EYA4: variants seen among roughly 807,000 people sequenced by gnomAD.
The protein encoded by EYA4 is protein phosphatase EYA4.
In EYA4, 31 loss-of-function variants were observed where a neutral mutation model predicts 87.9. The ratio of observed to expected loss-of-function variants is 0.35; its 90% confidence interval spans 0.27 to 0.48. The LOEUF (loss-of-function observed/expected upper bound fraction) is 0.48. Among genes scored for constraint, EYA4 ranks in the 20% least tolerant of loss-of-function variants. The pLI, the probability that EYA4 is intolerant of heterozygous loss-of-function variation, is 0.99. For synonymous variants in EYA4, 263 were observed against 270.6 expected, an observed-to-expected ratio of 0.97 and a Z score of 0.28; for missense variants, 678 against 761.4, an observed-to-expected ratio of 0.89 and a Z score of 1.29.
In EYA4 at chr6:133,246,700, A is replaced by G. The variant is rs368410552; in HGVS notation, c.-66+4951A>G. Among the ~76,000 whole-genome samples, 18 of 152,326 alleles carry G rather than the reference A, an allele frequency of 1.2e-4. No individual in the cohort carries two copies. In the East Asian group the frequency reaches 3.1e-3, roughly 26 times the overall value. On this transcript the variant is annotated intron_variant, in intron 1 of 19. Coordinates refer to ENST00000355286, the MANE Select transcript of EYA4 (RefSeq NM_004100.5). Reference sequence around the variant, plus strand: ...TTTAGATAATTACAATTTGGCTGTCATTATTACTATAATATTAATCACTAT... The same window carrying G: ...TTTAGATAATTACAATTTGGCTGTCGTTATTACTATAATATTAATCACTAT...
At chr6:133,282,941 G>A (rs910336051) in intron 2 of EYA4, among the ~76,000 whole-genome samples, 5 of 152,150 alleles carry the variant, frequency 3.3e-5, no homozygotes, top group Admixed American at 6.5e-5. Context: ...CAAAAGTCTT[G>A]TGTCTGAACT....
chr6:133,353,994 G>C (rs1783829116), intron 2 of EYA4, among the ~76,000 whole-genome samples: 1 of 152,168 alleles, frequency 6.6e-6, no homozygotes, highest in African/African-American at 2.4e-5. Context: ...TCATGTGAGG[G>C]AAGGTGGGCT....
At chr6:133,402,516 A>G (rs572849600) in intron 3 of EYA4, among the ~76,000 whole-genome samples, 2 of 152,330 alleles carry the variant, frequency 1.3e-5, no homozygotes, top group Non-Finnish European at 1.5e-5. Context: ...GAATCTAGCT[A>G]TATATCTGGA....
intron 2 of EYA4, among the ~76,000 whole-genome samples, chr6:133,294,707 A>G (rs957415723): frequency 5.9e-4 from 90 of 152,210 alleles, no homozygotes; most frequent in African/African-American, 2.1e-3. Context: ...ACCTGGGACT[A>G]CAGGCATGAA....
chr6:133,300,581 C>G (rs1236495411), intron 2 of EYA4, among the ~76,000 whole-genome samples: 1 of 152,102 alleles, frequency 6.6e-6, no homozygotes, highest in Admixed American at 6.5e-5. Context: ...GTGGCACAAT[C>G]TCAGCTCACT....
chr6:133,267,620 T>C (rs940991179), intron 1 of EYA4, among the ~76,000 whole-genome samples: 3 of 152,156 alleles, frequency 2.0e-5, no homozygotes, highest in African/African-American at 7.2e-5. Context: ...TGACCTCAGG[T>C]GATCCGCCCA....
At chr6:133,462,299 T>G (rs1794466103) in intron 7 of EYA4, 36 bp from the exon 8 acceptor site, 2 of 1,612,086 alleles carry the variant, frequency 1.2e-6, no homozygotes, top group South Asian at 1.1e-5. Flanking sequence ...TACACAGTCT[T>G]TGTTGCCACA....
intron 1 of EYA4, among the ~76,000 whole-genome samples, chr6:133,245,961 T>A (rs1774372464): frequency 6.6e-6 from 1 of 152,202 alleles, no homozygotes; most frequent in Non-Finnish European, 1.5e-5. Flanking sequence ...CATCTTTTTA[T>A]TAGTAAAGAG....
At chr6:133,478,071 A>C (rs1425834268) in intron 11 of EYA4, among the ~76,000 whole-genome samples, 1 of 152,096 alleles carries the variant, frequency 6.6e-6, no homozygotes, top group Non-Finnish European at 1.5e-5. Context: ...CACACCCAAA[A>C]TGGTGAAAAT....
In EYA4 at chr6:133,450,134, C is replaced by T. The variant is rs558514916; in HGVS notation, c.277+1955C>T. Among the ~76,000 whole-genome samples, 27 of 152,030 alleles carry T rather than the reference C, an allele frequency of 1.8e-4. No homozygotes were observed. The East Asian group carries it at 4.7e-3, about 26-fold the overall frequency. On this transcript the variant is annotated intron_variant, in intron 5 of 19. Transcript: ENST00000355286. ...CCGAGTAGCTGGGACTACAGGCACC[C>T]GCCACGACACCCAGCTAATTTTTTG...
At chr6:133,377,974 TCACACA>T (rs5880179) in intron 2 of EYA4, among the ~76,000 whole-genome samples, 7 of 150,606 alleles carry the variant, frequency 4.6e-5, no homozygotes, top group Non-Finnish European at 1.0e-4. Flanking sequence ...TATATTATGT[TCACACA>T]CACACACACA....
intron 10 of EYA4, among the ~76,000 whole-genome samples, chr6:133,467,278 C>G (rs1794934387): frequency 6.6e-6 from 1 of 152,126 alleles, no homozygotes; most frequent in Admixed American, 6.6e-5. Context: ...AATTCTAGCT[C>G]TGAAACTTAC....
intron 2 of EYA4, among the ~76,000 whole-genome samples, chr6:133,289,360 G>C (rs763688725): frequency 2.0e-5 from 3 of 152,150 alleles, no homozygotes; most frequent in Non-Finnish European, 4.4e-5. Flanking sequence ...GGCTTAAGTA[G>C]TATAAAGAAG....
At chr6:133,300,517 T>A (rs1417505106) in intron 2 of EYA4, among the ~76,000 whole-genome samples, 1 of 152,068 alleles carries the variant, frequency 6.6e-6, no homozygotes, top group Non-Finnish European at 1.5e-5. Flanking sequence ...TTGTTGTTAT[T>A]ATTATTATTA....
chr6:133,500,528 C>G (rs967975876), intron 13 of EYA4, among the ~76,000 whole-genome samples: 6 of 152,104 alleles, frequency 3.9e-5, no homozygotes, highest in African/African-American at 1.4e-4. Context: ...TTTTGAAGAG[C>G]TGAAGGGAGA....
At chr6:133,273,922 C>A (rs1457552697) in intron 1 of EYA4, among the ~76,000 whole-genome samples, 1 of 150,946 alleles carries the variant, frequency 6.6e-6, no homozygotes, top group Admixed American at 6.6e-5. Flanking sequence ...TGTGTGTGTG[C>A]GTGTATGTGT....
intron 1 of EYA4, among the ~76,000 whole-genome samples, chr6:133,257,178 A>G (rs541660056): frequency 6.6e-6 from 1 of 152,178 alleles, no homozygotes; most frequent in South Asian, 2.1e-4. Flanking sequence ...GATTTGTTAT[A>G]TATTTCCAGA....
At chr6:133,432,733 C>G (rs1173948949) in intron 3 of EYA4, among the ~76,000 whole-genome samples, 4 of 151,866 alleles carry the variant, frequency 2.6e-5, no homozygotes, top group African/African-American at 9.7e-5. Flanking sequence ...AGGTCAGGGA[C>G]TTATCACAGG....
intron 2 of EYA4, among the ~76,000 whole-genome samples, chr6:133,339,401 T>C (rs1412192794): frequency 6.6e-6 from 1 of 152,196 alleles, no homozygotes; most frequent in African/African-American, 2.4e-5. Flanking sequence ...TGTGTAATGG[T>C]TGCAGTTAGG....
Sources: allele counts gnomAD v4.1 joint callset (sites outside exome capture counted in the v4.1 genomes callset), GRCh38; gene constraint gnomAD v4.1.1; transcripts MANE v1.5; gene names NCBI Gene and HGNC (gene_info 2026-07-23, HGNC 2026-07-21).